CSMD1: variants seen among roughly 807,000 people sequenced by gnomAD.
CSMD1 encodes CUB and sushi domain-containing protein 1.
Under a neutral mutation model 417.5 loss-of-function variants are expected in CSMD1, and 213 were observed. The ratio of observed to expected loss-of-function variants is 0.51; its 90% CI spans 0.46 to 0.57. The LOEUF (loss-of-function observed/expected upper bound fraction) is 0.57, where lower values mean the gene tolerates loss of function less well. Among genes scored for constraint, CSMD1 ranks in the 20% least tolerant of loss-of-function variants. The pLI is 0.00. For synonymous variants in CSMD1, 2,862 were observed against 1,736.8 expected (o/e 1.65, Z -16.11); for missense variants, 6,923 against 4,529.7 (o/e 1.53, Z -15.17).
intron 2 of CSMD1, among the ~76,000 whole-genome samples, chr8:4,618,496 G>C (rs1044055513): frequency 4.0e-5 from 6 of 151,686 alleles, no homozygotes; most frequent in Non-Finnish European, 7.4e-5. Context: ...CAAGAACAAA[G>C]CTCAGAGAAT....
intron 49 of CSMD1, among the ~76,000 whole-genome samples, chr8:3,079,010 C>G (rs1813894482): frequency 1.3e-5 from 2 of 152,108 alleles, no homozygotes; most frequent in Admixed American, 1.3e-4. Flanking sequence ...TAAAGAACTT[C>G]AGTGAAGTCA....
At position 3,188,077 on chromosome 8, in the gene CSMD1, CATATG is replaced by C. The variant is rs1225536449; in HGVS notation, c.5524-117_5524-113del. 268 of 387,648 alleles carry C rather than the reference CATATG, an allele frequency of 6.9e-4. 1 individual carries two copies. The East Asian group carries it at 0.011, about 16-fold the overall frequency. The allele number at this position is 387,648 out of a possible 1,614,324, so 24.0% of individuals were successfully genotyped here. A position where few individuals can be genotyped will look rare whatever the true frequency, so the allele number is the denominator to read the frequency against. On this transcript the variant is annotated intron_variant, in intron 35 of 69. Coordinates refer to ENST00000635120, the MANE Select transcript of CSMD1 (RefSeq NM_033225.6). ...TAAGGTGTATATGTATATATATATA[CATATG>C]TATATGTATATATATATACATATAC...
intron 26 of CSMD1, among the ~76,000 whole-genome samples, chr8:3,272,960 A>C (rs1225888956): frequency 1.3e-5 from 2 of 150,232 alleles, no homozygotes; most frequent in South Asian, 4.3e-4. Context: ...CAGAACTTCC[A>C]ACACTATGTT....
At chr8:4,728,816 C>T (rs1380096371) in intron 1 of CSMD1, among the ~76,000 whole-genome samples, 2 of 151,530 alleles carry the variant, frequency 1.3e-5, no homozygotes, top group Non-Finnish European at 2.9e-5. Flanking sequence ...TCCTTTAGTT[C>T]AAAACACCTC....
At chr8:4,015,412 G>A (rs1394970418) in intron 4 of CSMD1, among the ~76,000 whole-genome samples, 1 of 152,010 alleles carries the variant, frequency 6.6e-6, no homozygotes, top group Admixed American at 6.6e-5. Context: ...AACCTCGACT[G>A]ACAGTTCATA....
At chr8:4,653,673 G>C (rs1444905464) in intron 1 of CSMD1, among the ~76,000 whole-genome samples, 1 of 152,096 alleles carries the variant, frequency 6.6e-6, no homozygotes, top group Non-Finnish European at 1.5e-5. Flanking sequence ...CAGGAGTTAA[G>C]TTGCCCCAGG....
intron 9 of CSMD1, among the ~76,000 whole-genome samples, chr8:3,576,462 C>T (rs973492097): frequency 6.6e-6 from 1 of 152,092 alleles, no homozygotes; most frequent in Non-Finnish European, 1.5e-5. Context: ...ACGCTGCAGT[C>T]CTAGACATGT....
At chr8:4,983,572 G>T (rs1811011481) in intron 1 of CSMD1, among the ~76,000 whole-genome samples, 1 of 152,118 alleles carries the variant, frequency 6.6e-6, no homozygotes, top group African/African-American at 2.4e-5. Flanking sequence ...GCCCAGGCTG[G>T]AAGGCAGTGG....
At chr8:4,503,979 A>G (rs1013533135) in intron 2 of CSMD1, among the ~76,000 whole-genome samples, 18 of 151,846 alleles carry the variant, frequency 1.2e-4, no homozygotes, top group Admixed American at 1.0e-3. Context: ...CAAAAAAAAA[A>G]AAAAAGAAAA....
intron 1 of CSMD1, among the ~76,000 whole-genome samples, chr8:4,911,392 G>C (rs1333038085): frequency 1.3e-5 from 2 of 152,164 alleles, no homozygotes; most frequent in South Asian, 2.1e-4. Flanking sequence ...TCTTTCTCTA[G>C]ATTTGTTAGG....
chr8:3,409,392 G>A, intron 13 of CSMD1, 31 bp downstream of exon 13: 3 of 1,576,178 alleles, frequency 1.9e-6, no homozygotes, highest in South Asian at 1.2e-5. Context: ...TGCAGGACAG[G>A]AGGGAGTCCA....
chr8:4,071,639 G>C (rs990708744), intron 3 of CSMD1, among the ~76,000 whole-genome samples: 17 of 152,104 alleles, frequency 1.1e-4, no homozygotes, highest in African/African-American at 3.6e-4. Flanking sequence ...TTTTAAACTA[G>C]CTGAAATATG....
intron 1 of CSMD1, among the ~76,000 whole-genome samples, chr8:4,819,846 G>T (rs554538190): frequency 6.6e-6 from 1 of 152,100 alleles, no homozygotes; most frequent in Non-Finnish European, 1.5e-5. Flanking sequence ...AAGAGCAAAC[G>T]AGTGTAGGGA....
chr8:4,433,646 C>T (rs1797993137), intron 2 of CSMD1, among the ~76,000 whole-genome samples: 1 of 152,114 alleles, frequency 6.6e-6, no homozygotes, highest in African/African-American at 2.4e-5. Context: ...TCAAATCTGC[C>T]CTTGTCTGAA....
intron 3 of CSMD1, among the ~76,000 whole-genome samples, chr8:4,271,022 T>C (rs1270894835): frequency 6.6e-6 from 1 of 152,172 alleles, no homozygotes. Flanking sequence ...CAGGTCCTAG[T>C]GGGAAGAGAG....
At chr8:3,513,626 T>G (rs564878044) in intron 10 of CSMD1, among the ~76,000 whole-genome samples, 1 of 152,324 alleles carries the variant, frequency 6.6e-6, no homozygotes, top group Non-Finnish European at 1.5e-5. Context: ...TAAGACTTAC[T>G]GCTCTGCCAC....
chr8:3,664,587 T>C (rs1284447584), intron 7 of CSMD1, among the ~76,000 whole-genome samples: 1 of 152,214 alleles, frequency 6.6e-6, no homozygotes, highest in Non-Finnish European at 1.5e-5. Flanking sequence ...TGAGGAGTTT[T>C]CCTCTGCCTT....
intron 3 of CSMD1, among the ~76,000 whole-genome samples, chr8:4,095,678 T>C (rs1800970508): frequency 6.6e-6 from 1 of 152,138 alleles, no homozygotes; most frequent in Non-Finnish European, 1.5e-5. Context: ...TCTTGTAAAA[T>C]TAAAAGGTTA....
At chr8:4,351,867 G>C (rs115695898) in intron 3 of CSMD1, among the ~76,000 whole-genome samples, 1,828 of 151,812 alleles carry the variant, frequency 0.012, 37 homozygotes, top group African/African-American at 0.042. Context: ...CATTATATAC[G>C]ACAGGACTTG....
Sources: allele counts gnomAD v4.1 joint callset (sites outside exome capture counted in the v4.1 genomes callset), GRCh38; gene constraint gnomAD v4.1.1; transcripts MANE v1.5; gene names NCBI Gene and HGNC (gene_info 2026-07-23, HGNC 2026-07-21).